The following ANKRD66 variants were observed in gnomAD, a reference collection of about 807,000 sequenced individuals.
ANKRD66 encodes ankyrin repeat domain-containing protein 66.
In ANKRD66, 10 loss-of-function variants were observed where a neutral mutation model predicts 10.9. The ratio of observed to expected loss-of-function variants is 0.91; its 90% CI spans 0.56 to 1.55. The LOEUF (loss-of-function observed/expected upper bound fraction) is 1.55, where lower values mean the gene tolerates loss of function less well. ANKRD66 is among the 40% of genes most tolerant of loss of function. The pLI is 0.00. For synonymous variants in ANKRD66, 85 were observed against 88.4 expected, an observed-to-expected ratio of 0.96 and a Z score of 0.22; for missense variants, 252 against 242.9, an observed-to-expected ratio of 1.04 and a Z score of -0.25.
At chr6:46,758,409 A>G (rs1396971162) in intron 4 of ANKRD66, 1 of 245,378 alleles carries the variant, frequency 4.1e-6, no homozygotes, top group Non-Finnish European at 7.7e-6. Context: ...AAAATAAACG[A>G]AAACAGTCTC....
intron 3 of ANKRD66, among the ~76,000 whole-genome samples, chr6:46,752,444 A>G (rs903237978): frequency 1.3e-5 from 2 of 152,156 alleles, no homozygotes; most frequent in African/African-American, 4.8e-5. Flanking sequence ...TATGTTGGCC[A>G]GGCTGCTCTC....
At chr6:46,749,780 C>T (rs1766228860) in intron 1 of ANKRD66, 116 bp from the exon 2 acceptor site, 1 of 1,325,180 alleles carries the variant, frequency 7.5e-7, no homozygotes, top group Non-Finnish European at 1.0e-6. Context: ...GCTTAGGCCA[C>T]TTTTAGAGAA....
chr6:46,749,805 C>T, intron 1 of ANKRD66, 91 bp from the exon 2 acceptor site: 1 of 1,425,214 alleles, frequency 7.0e-7, no homozygotes, highest in East Asian at 2.7e-5. Context: ...CTTTTACTTT[C>T]CGGTCTTTGT....
intron 4 of ANKRD66, among the ~76,000 whole-genome samples, chr6:46,754,991 A>G (rs976701814): frequency 6.6e-6 from 1 of 152,150 alleles, no homozygotes; most frequent in Non-Finnish European, 1.5e-5. Context: ...ACATACCACA[A>G]TGTGACCATA....
At chr6:46,756,520 C>A in intron 4 of ANKRD66, 1 of 154,750 alleles carries the variant, frequency 6.5e-6, no homozygotes, top group Non-Finnish European at 1.4e-5. Flanking sequence ...TTTATATAGC[C>A]TTGGAACTTT....
rs529491694 is a variant in ANKRD66 at position 46,749,886 on chromosome 6, C to T, written c.-96-10C>T. 17 of 1,546,448 alleles carry T rather than the reference C, an allele frequency of 1.1e-5. No homozygotes were observed. Among genetic ancestry groups the T allele is most frequent in the Middle Eastern group, 1.7e-4 (1 of 5,968 alleles). ...TTTAATTACGTTTACTTTTCTTTCT[C>T]TCCCTCCAGGGCTGTTCTCACATTT... is the stretch of plus-strand genomic sequence containing the variant. On this transcript the variant is annotated splice_polypyrimidine_tract_variant and intron_variant, in intron 1 of 4. Coordinates refer to ENST00000565422, the MANE Select transcript of ANKRD66 (RefSeq NM_001162435.3).
In ANKRD66 at chr6:46,755,734, C is replaced by T. The variant is rs377197220; in HGVS notation, c.392+1784C>T. 6.6e-4 allele frequency among the ~76,000 whole-genome samples: 101 copies of T among 152,022 alleles called. No individual in the cohort carries two copies. The South Asian group carries it at 0.018, about 27-fold the overall frequency. ...TATCAAACAAACAAAAAGTTAGAGG[C>T]CCTTCTGAATTGCGCTGTGTCTTTC... On this transcript the variant is annotated intron_variant, in intron 4 of 4. Transcript: ENST00000565422.
rs1766322603 is a variant in ANKRD66, at chr6:46,754,010, A to G, written c.392+60A>G. Reference sequence around the variant, plus strand: ...AGAGGAACAGGAGTCTGTGATCAAGATCTTGGGTGATTCTGTGGTCTCAGG... The same window carrying G: ...AGAGGAACAGGAGTCTGTGATCAAGGTCTTGGGTGATTCTGTGGTCTCAGG... On this transcript the variant is annotated intron_variant, in intron 4 of 4. Transcript: ENST00000565422. 22 of 1,396,982 alleles carry G rather than the reference A, an allele frequency of 1.6e-5. No individual in the cohort carries two copies. In the South Asian group the frequency reaches 3.0e-4, roughly 19 times the overall value. The allele number at this position is 1,396,982 out of a possible 1,614,324, so 86.5% of individuals were successfully genotyped here.
chr6:46,749,131 C>G (rs1356805133), intron 1 of ANKRD66, among the ~76,000 whole-genome samples: 1 of 152,210 alleles, frequency 6.6e-6, no homozygotes, highest in Non-Finnish European at 1.5e-5. Flanking sequence ...CTGCTGGCCC[C>G]TCAGCAGCCC....
intron 3 of ANKRD66, among the ~76,000 whole-genome samples, 192 bp from the exon 4 acceptor site, chr6:46,753,530 C>G (rs966316872): frequency 6.6e-6 from 1 of 151,898 alleles, no homozygotes; most frequent in Non-Finnish European, 1.5e-5. Flanking sequence ...GAACAAGGTT[C>G]GTGGGGTGAG....
chr6:46,749,921 C>T lies in ANKRD66; in HGVS notation c.-71C>T, dbSNP rs1328507069. ...GGCTGTTCTCACATTTCAATGCACT[C>T]ACCTGGAGGGCTTACCACAACAAAG... On this transcript the variant is annotated 5_prime_UTR_variant, in exon 2 of 5. Coordinates refer to ENST00000565422, the MANE Select transcript of ANKRD66 (RefSeq NM_001162435.3). The T allele has an allele frequency of 2.6e-6, 4 of 1,550,614 alleles. No individual in the cohort carries two copies. Among genetic ancestry groups the T allele is most frequent in the Non-Finnish European group, 3.5e-6 (4 of 1,146,214 alleles).
At chr6:46,753,064 CTA>C (rs1368809463) in intron 3 of ANKRD66, among the ~76,000 whole-genome samples, 2 of 152,194 alleles carry the variant, frequency 1.3e-5, no homozygotes, top group African/African-American at 4.8e-5. Context: ...GTGATGGTAG[CTA>C]TACCGAAACA....
At position 46,753,939 on chromosome 6, in the gene ANKRD66, A is replaced by G. The variant is rs1358171274; in HGVS notation, c.381A>G (p.Ala127=). ...TCTATGGACAGAAAGCCTGTGTGGCATTTCTGGAAAAGTAAGTTTATTTTT... is the reference window on the plus strand; with the variant it reads ...TCTATGGACAGAAAGCCTGTGTGGCGTTTCTGGAAAAGTAAGTTTATTTTT... ...AQIYGQKACV[A]FLEKAEPECQ... is the part of the protein sequence containing the mutation. The change falls in exon 4 of 5, where the codon GCA becomes GCG. Residue 127 remains alanine (A), a synonymous_variant. Transcript: ENST00000565422. 1 of 1,550,894 alleles carries G rather than the reference A, an allele frequency of 6.4e-7. No individual in the cohort carries two copies.
chr6:46,749,312 G>A (rs1766211934), intron 1 of ANKRD66, among the ~76,000 whole-genome samples: 1 of 152,172 alleles, frequency 6.6e-6, no homozygotes. Flanking sequence ...TCTAGGAGGA[G>A]AGAAAGTTCA....
Position 46,752,024 on chromosome 6 carries a change from A to C in ANKRD66, c.76A>C (p.Lys26Gln), listed in dbSNP as rs1382769167. Residue 26 changes from lysine (K) to glutamine (Q), a missense_variant, in exon 3 of 5, where the codon AAG becomes CAG. Coordinates refer to ENST00000565422, the MANE Select transcript of ANKRD66 (RefSeq NM_001162435.3). ...VAAGDYSLVKKILKKGLCDPN... is the reference protein window; with the variant it reads ...VAAGDYSLVKQILKKGLCDPN... ...TGCAGGAGACTACAGCTTAGTGAAG[A>C]AGATTTTGAAGAAAGGTCTCTGTGA... The C allele has an allele frequency of 2.0e-6, 3 of 1,537,862 alleles. No homozygotes were observed. The East Asian group carries it at 7.7e-5, about 39-fold the overall frequency.
chr6:46,749,558 C>CCG (rs1554185842), intron 1 of ANKRD66, among the ~76,000 whole-genome samples: 2 of 98,200 alleles, frequency 2.0e-5, no homozygotes, highest in Non-Finnish European at 3.9e-5. Context: ...ATTCCCCCCC[C>CCG]CCCCCCCCCG....
At chr6:46,754,141 G>A (rs1000457613) in intron 4 of ANKRD66, among the ~76,000 whole-genome samples, 191 bp downstream of exon 4, 4 of 151,852 alleles carry the variant, frequency 2.6e-5, no homozygotes, top group African/African-American at 9.7e-5. Flanking sequence ...CTAGTTTAGG[G>A]GTCAAAACTA....
At chr6:46,749,306 G>A (rs1766211787) in intron 1 of ANKRD66, among the ~76,000 whole-genome samples, 1 of 152,166 alleles carries the variant, frequency 6.6e-6, no homozygotes, top group Admixed American at 6.5e-5. Flanking sequence ...GACCCCTCTA[G>A]GAGGAGAGAA....
chr6:46,748,814 A>G (rs1015050930), intron 1 of ANKRD66, among the ~76,000 whole-genome samples: 3 of 152,196 alleles, frequency 2.0e-5, no homozygotes, highest in Admixed American at 2.0e-4. Flanking sequence ...GCTTCCAGCC[A>G]GTCTATACCT....
Sources: gnomAD v4.1 joint callset for allele counts (sites outside exome capture counted in the v4.1 genomes callset) on GRCh38, gnomAD v4.1.1 for gene constraint, MANE v1.5 for transcripts, NCBI Gene and HGNC (gene_info 2026-07-23, HGNC 2026-07-21) for gene names.